The following PDE4D variants were observed in gnomAD, a reference collection of about 807,000 sequenced individuals.
PDE4D encodes the protein 3',5'-cyclic-AMP phosphodiesterase 4D.
In PDE4D, 24 loss-of-function variants were observed where a neutral mutation model predicts 87.4. The ratio of observed to expected loss-of-function variants is 0.27; its 90% CI spans 0.20 to 0.39. The LOEUF (loss-of-function observed/expected upper bound fraction) is 0.39, where lower values mean the gene tolerates loss of function less well. Among genes scored for constraint, PDE4D ranks in the 10% least tolerant of loss-of-function variants. The pLI is 1.00. For synonymous variants in PDE4D, 384 were observed against 383.2 expected, an observed-to-expected ratio of 1.00 and a Z score of -0.02; for missense variants, 714 against 1,041.0, an observed-to-expected ratio of 0.69 and a Z score of 4.32.
chr5:59,420,071 C>T (rs1794228970), intron 1 of PDE4D, among the ~76,000 whole-genome samples: 1 of 152,184 alleles, frequency 6.6e-6, no homozygotes, highest in Non-Finnish European at 1.5e-5. Context: ...TGCTCTATCT[C>T]TCCCATTTTA....
At chr5:59,079,153 A>G (rs1031239105) in intron 5 of PDE4D, among the ~76,000 whole-genome samples, 99 of 152,320 alleles carry the variant, frequency 6.5e-4, no homozygotes, top group African/African-American at 2.2e-3. Flanking sequence ...TATTGTATCC[A>G]TCACTAAGTG....
chr5:59,234,273 TTGTC>T (rs1468690256), intron 1 of PDE4D, among the ~76,000 whole-genome samples: 1 of 152,180 alleles, frequency 6.6e-6, no homozygotes, highest in Non-Finnish European at 1.5e-5. Context: ...TATGTGTATT[TTGTC>T]TTTCTTTTTT....
At chr5:60,442,271 T>C (rs1745290234) in intron 1 of PDE4D, among the ~76,000 whole-genome samples, 1 of 152,142 alleles carries the variant, frequency 6.6e-6, no homozygotes, top group Non-Finnish European at 1.5e-5. Flanking sequence ...TAAAAAAGGA[T>C]GAGTTCATGT....
intron 1 of PDE4D, among the ~76,000 whole-genome samples, chr5:59,873,274 ACAGT>A (rs1349726621): frequency 6.6e-6 from 1 of 152,226 alleles, no homozygotes; most frequent in African/African-American, 2.4e-5. Flanking sequence ...AAGGGATGAC[ACAGT>A]CAGGGGGATG....
At chr5:59,807,199 AG>A (rs1379474512) in intron 1 of PDE4D, among the ~76,000 whole-genome samples, 6 of 151,608 alleles carry the variant, frequency 4.0e-5, no homozygotes, top group African/African-American at 1.2e-4. Context: ...AGACAAAAAG[AG>A]GTCCTGCCCT....
intron 1 of PDE4D, among the ~76,000 whole-genome samples, chr5:59,519,068 A>G (rs918207081): frequency 6.6e-6 from 1 of 151,850 alleles, no homozygotes; most frequent in Non-Finnish European, 1.5e-5. Context: ...CTTCCCTACC[A>G]TCTTTCTTCC....
intron 5 of PDE4D, among the ~76,000 whole-genome samples, chr5:59,097,702 G>A (rs1254861520): frequency 6.6e-6 from 1 of 152,184 alleles, no homozygotes; most frequent in Non-Finnish European, 1.5e-5. Context: ...TTGCCTGTTT[G>A]TTTCAAAGAC....
At chr5:60,346,642 C>T (rs962888962) in intron 1 of PDE4D, among the ~76,000 whole-genome samples, 1 of 152,040 alleles carries the variant, frequency 6.6e-6, no homozygotes, top group African/African-American at 2.4e-5. Flanking sequence ...AATGTGCATC[C>T]CCTGGCCTCA....
At chr5:59,885,957 C>G (rs899781192) in intron 1 of PDE4D, among the ~76,000 whole-genome samples, 4 of 152,208 alleles carry the variant, frequency 2.6e-5, no homozygotes, top group African/African-American at 9.6e-5. Context: ...TTCTGAGATT[C>G]AATATTCCCT....
At chr5:59,948,923 A>G (rs1757980627) in intron 3 of PDE4D, among the ~76,000 whole-genome samples, 1 of 152,234 alleles carries the variant, frequency 6.6e-6, no homozygotes, top group South Asian at 2.1e-4. Context: ...ACATTTATTG[A>G]ATGCTCACTA....
rs369333408 is a variant in PDE4D, at chr5:60,104,585, C to A, written c.42+80972G>T. 2.6e-5 allele frequency among the ~76,000 whole-genome samples: 4 copies of A among 152,338 alleles called. No individual in the cohort carries two copies. In the East Asian group the frequency reaches 5.8e-4, roughly 22 times the overall value. ...CAAGTGGGTCCCTGACCCCTGACCCCCGAGCAGCCTAACTGGGAGGCACCC... is the reference window on the plus strand; with the variant it reads ...CAAGTGGGTCCCTGACCCCTGACCCACGAGCAGCCTAACTGGGAGGCACCC... On this transcript the variant is annotated intron_variant, in intron 2 of 16. Coordinates refer to the PDE4D transcript ENST00000502484.
chr5:59,281,488 T>C (rs2153547916), intron 1 of PDE4D, among the ~76,000 whole-genome samples: 1 of 152,296 alleles, frequency 6.6e-6, no homozygotes, highest in East Asian at 1.9e-4. Context: ...CAAATTTTAT[T>C]TATCAAATGA....
rs1313762174 is a variant in PDE4D at position 59,738,665 on chromosome 5, C to A, written c.455+154503G>T. ...TTTGATGCATAAATGGCTACACTAT[C>A]ATCTATTTTTACATGCCTGAAATAT... On this transcript the variant is annotated intron_variant, in intron 1 of 14. Transcript: ENST00000340635. Among the ~76,000 whole-genome samples the A allele has an allele frequency of 2.0e-5, 3 of 151,784 alleles. No individual in the cohort carries two copies. In the East Asian group the frequency reaches 5.8e-4, roughly 29 times the overall value.
At chr5:59,523,093 G>A (rs545940741) in intron 1 of PDE4D, among the ~76,000 whole-genome samples, 1 of 152,058 alleles carries the variant, frequency 6.6e-6, no homozygotes, top group Non-Finnish European at 1.5e-5. Context: ...CATTATTGAT[G>A]GCTCACTATC....
At chr5:59,046,569 A>G (rs889949159) in intron 5 of PDE4D, among the ~76,000 whole-genome samples, 1 of 150,652 alleles carries the variant, frequency 6.6e-6, no homozygotes, top group Non-Finnish European at 1.5e-5. Flanking sequence ...GTGTGTGCAT[A>G]TAAGAGAAAG....
chr5:60,080,690 T>A (rs1011805685), intron 2 of PDE4D, among the ~76,000 whole-genome samples: 3 of 152,236 alleles, frequency 2.0e-5, no homozygotes, highest in Non-Finnish European at 4.4e-5. Flanking sequence ...ATGTATTGAT[T>A]TTCATATGTT....
chr5:59,477,341 C>CT (rs1441701738), intron 1 of PDE4D, among the ~76,000 whole-genome samples: 82 of 123,034 alleles, frequency 6.7e-4, no homozygotes, highest in Admixed American at 1.1e-3. Flanking sequence ...TACCCTAAAA[C>CT]TTAGAGTATA....
Position 60,481,216 on chromosome 5 carries a change from T to C in PDE4D, c.-90+6726A>G, listed in dbSNP as rs181189693. Among the ~76,000 whole-genome samples the C allele has an allele frequency of 1.1e-4, 16 of 152,306 alleles. 1 individual carries two copies. The East Asian group carries it at 2.3e-3, about 22-fold the overall frequency. ...CCAACAAAAATATTTTAACCTACTA[T>C]ATCCAAGATAAAGGACTAAAATTGG... On this transcript the variant is annotated intron_variant, in intron 1 of 16. Transcript: ENST00000502484.
At chr5:59,544,350 T>A (rs1214710741) in intron 1 of PDE4D, among the ~76,000 whole-genome samples, 2 of 152,070 alleles carry the variant, frequency 1.3e-5, no homozygotes, top group Admixed American at 6.6e-5. Flanking sequence ...GTCCTTAGAG[T>A]GTAGCAGAGA....
Sources: allele counts gnomAD v4.1 joint callset (sites outside exome capture counted in the v4.1 genomes callset), GRCh38; gene constraint gnomAD v4.1.1; transcripts MANE v1.5; gene names NCBI Gene and HGNC (gene_info 2026-07-23, HGNC 2026-07-21).